LNPK: variants seen among roughly 807,000 people sequenced by gnomAD.
The protein encoded by LNPK is endoplasmic reticulum junction formation protein lunapark.
LNPK carries 29 observed loss-of-function variants against 55.2 expected under a neutral mutation model. That is an observed-to-expected ratio of 0.53 (90% CI 0.39 to 0.72). LNPK has a LOEUF of 0.72. Among genes scored for constraint, LNPK ranks in the 30% least tolerant of loss-of-function variants. LNPK has a pLI of 0.00. For synonymous variants in LNPK, 162 were observed against 168.2 expected, an observed-to-expected ratio of 0.96 and a Z score of 0.29; for missense variants, 467 against 494.8, an observed-to-expected ratio of 0.94 and a Z score of 0.53.
chr2:175,991,896 C>A (rs759383189), intron 4 of LNPK, among the ~76,000 whole-genome samples: 1 of 152,132 alleles, frequency 6.6e-6, no homozygotes, highest in Non-Finnish European at 1.5e-5. Flanking sequence ...GTTATTCTTT[C>A]GTTTTTACAA....
intron 8 of LNPK, among the ~76,000 whole-genome samples, chr2:175,959,484 T>C (rs1202566064): frequency 6.6e-6 from 1 of 152,086 alleles, no homozygotes; most frequent in Non-Finnish European, 1.5e-5. Flanking sequence ...GAAGGAGAAA[T>C]AATATCCTTT....
chr2:175,993,128 A>C, intron 3 of LNPK, 54 bp downstream of exon 3: 1 of 1,108,222 alleles, frequency 9.0e-7, no homozygotes, highest in South Asian at 1.5e-5. Context: ...TACTACAATA[A>C]TATTTACTTA....
intron 8 of LNPK, among the ~76,000 whole-genome samples, chr2:175,948,206 T>C (rs1036697111): frequency 6.6e-6 from 1 of 152,240 alleles, no homozygotes; most frequent in African/African-American, 2.4e-5. Context: ...CTTTATGGTA[T>C]TGCTATCCTT....
chr2:176,001,828 G>A (rs1010513767), intron 1 of LNPK, among the ~76,000 whole-genome samples: 1 of 152,150 alleles, frequency 6.6e-6, no homozygotes, highest in Non-Finnish European at 1.5e-5. Context: ...GTGGGCCAAA[G>A]AGCTGGGGCT....
At position 175,958,852 on chromosome 2, in the gene LNPK, A is replaced by G. The variant is rs368210193; in HGVS notation, c.493+5520T>C. The stretch of plus-strand genomic sequence containing the variant: ...AAGATTAGACAAATGGCTAACTAGA[A>G]TAAACAGCATAGAGAAGACCTTAAA... On this transcript the variant is annotated intron_variant, in intron 8 of 12. Coordinates refer to ENST00000272748, the MANE Select transcript of LNPK (RefSeq NM_030650.3). 5.3e-4 allele frequency among the ~76,000 whole-genome samples: 80 copies of G among 152,300 alleles called. 2 individuals carry two copies. In the South Asian group the frequency reaches 0.014, roughly 27 times the overall value.
chr2:175,979,301 G>T (rs1237321042), intron 5 of LNPK, among the ~76,000 whole-genome samples: 1 of 152,164 alleles, frequency 6.6e-6, no homozygotes, highest in Non-Finnish European at 1.5e-5. Context: ...GCTCACGCCT[G>T]TAATCCTAGC....
At chr2:175,973,489 A>T (rs542553127) in intron 5 of LNPK, among the ~76,000 whole-genome samples, 1 of 152,220 alleles carries the variant, frequency 6.6e-6, no homozygotes, top group Non-Finnish European at 1.5e-5. Flanking sequence ...TAGACTGTAA[A>T]CACCTTACAG....
At chr2:175,970,103 A>G (rs1025418008) in intron 6 of LNPK, among the ~76,000 whole-genome samples, 2 of 152,212 alleles carry the variant, frequency 1.3e-5, no homozygotes, top group Non-Finnish European at 1.5e-5. Flanking sequence ...TTCAAAAATA[A>G]TCATTAAAAA....
intron 4 of LNPK, among the ~76,000 whole-genome samples, chr2:175,986,114 G>T (rs538083323): frequency 6.6e-6 from 1 of 152,066 alleles, no homozygotes; most frequent in Non-Finnish European, 1.5e-5. Context: ...GAAGAAATAC[G>T]GGGAAAAGCA....
At chr2:175,970,960 C>A (rs1378298335) in intron 5 of LNPK, among the ~76,000 whole-genome samples, 156 bp from the exon 6 acceptor site, 1 of 151,986 alleles carries the variant, frequency 6.6e-6, no homozygotes, top group African/African-American at 2.4e-5. Flanking sequence ...TCCATCTTCA[C>A]CCACATATAG....
intron 4 of LNPK, among the ~76,000 whole-genome samples, chr2:175,990,585 C>G (rs970817909): frequency 6.6e-6 from 1 of 152,174 alleles, no homozygotes; most frequent in Non-Finnish European, 1.5e-5. Context: ...ACATTACACA[C>G]AAAAGGCAAA....
intron 8 of LNPK, among the ~76,000 whole-genome samples, chr2:175,954,868 G>A (rs534373145): frequency 6.6e-6 from 1 of 152,292 alleles, no homozygotes; most frequent in South Asian, 2.1e-4. Context: ...ATTCAGAGTT[G>A]CATATAGAGG....
intron 8 of LNPK, among the ~76,000 whole-genome samples, chr2:175,952,492 GA>G (rs1428595441): frequency 6.6e-6 from 1 of 151,692 alleles, no homozygotes; most frequent in African/African-American, 2.4e-5. Flanking sequence ...AAATAATAAA[GA>G]CATCTCTTCC....
chr2:175,943,389 A>G (rs1684956152), intron 9 of LNPK, among the ~76,000 whole-genome samples: 1 of 152,052 alleles, frequency 6.6e-6, no homozygotes, highest in African/African-American at 2.4e-5. Flanking sequence ...TCATAACGTT[A>G]TGAAATGAAA....
intron 5 of LNPK, among the ~76,000 whole-genome samples, chr2:175,978,811 T>A (rs1444870764): frequency 6.6e-6 from 1 of 152,138 alleles, no homozygotes; most frequent in South Asian, 2.1e-4. Flanking sequence ...GGCATATAAT[T>A]GTATTTAAAG....
rs1163215549 is a variant in LNPK, at chr2:175,927,888, T to C, written c.*2079A>G. The C allele has an allele frequency of 6.6e-6, 1 of 152,160 alleles. No individual in the cohort carries two copies. The highest frequency in any genetic ancestry group is 1.5e-5 in the Non-Finnish European group (1 of 68,012). The allele number at this position is 152,160 out of a possible 1,614,324, so 9.4% of individuals were successfully genotyped here. Reference sequence around the variant, plus strand: ...CTAATCCCCTTTTAACCTTCCTCCATATTTCTTTCAAAGATATTTCTCATA... The same window carrying C: ...CTAATCCCCTTTTAACCTTCCTCCACATTTCTTTCAAAGATATTTCTCATA... On this transcript the variant is annotated 3_prime_UTR_variant, in exon 13 of 13. Coordinates refer to ENST00000272748, the MANE Select transcript of LNPK (RefSeq NM_030650.3).
chr2:175,995,443 A>T (rs2105366702), intron 2 of LNPK, 115 bp downstream of exon 2: 1 of 681,690 alleles, frequency 1.5e-6, no homozygotes, highest in African/African-American at 1.9e-5. Context: ...GAAAAAAGTT[A>T]AGGAAAATAG....
rs35432522 is a variant in LNPK at position 175,924,695 on chromosome 2, C to CA, written c.*5271dup. Reference sequence around the variant, plus strand: ...TTTACTGAAAAAAAAACAAAACAAACAAAAAAAAAAAACAAAGAAGAAGTT... The same window carrying CA: ...TTTACTGAAAAAAAAACAAAACAAACAAAAAAAAAAAAACAAAGAAGAAGTT... On this transcript the variant is annotated 3_prime_UTR_variant, in exon 13 of 13. Coordinates refer to ENST00000272748, the MANE Select transcript of LNPK (RefSeq NM_030650.3). The CA allele has an allele frequency of 0.51, 73,519 of 144,844 alleles. 18,392 individuals carry two copies. The highest frequency in any genetic ancestry group is 0.63 in the East Asian group (3,160 of 5,006). 9.0% of individuals were successfully genotyped at this position (144,844 alleles called of 1,614,324 possible).
intron 8 of LNPK, among the ~76,000 whole-genome samples, chr2:175,958,344 C>T (rs819035): frequency 0.091 from 13,896 of 152,180 alleles, 1,407 homozygotes; most frequent in African/African-American, 0.25. Context: ...CCGGGTGCCC[C>T]TCTGGGACGA....
Sources: gnomAD v4.1 joint callset for allele counts (sites outside exome capture counted in the v4.1 genomes callset) on GRCh38, gnomAD v4.1.1 for gene constraint, MANE v1.5 for transcripts, NCBI Gene and HGNC (gene_info 2026-07-23, HGNC 2026-07-21) for gene names.